Variants in FBXW11 observed in about 807,000 individuals in gnomAD.
FBXW11 encodes the protein F-box and WD repeat domain containing 11.
FBXW11 carries 19 observed loss-of-function variants against 77.6 expected under a neutral mutation model. That is an observed-to-expected ratio of 0.24 (90% CI 0.17 to 0.36). The LOEUF (loss-of-function observed/expected upper bound fraction) is 0.36. Among genes scored for constraint, FBXW11 ranks in the 10% least tolerant of loss-of-function variants. The pLI is 1.00. For missense variants in FBXW11, 334 were observed against 704.2 expected, an observed-to-expected ratio of 0.47 and a Z score of 5.95; for synonymous variants, 235 against 249.4, an observed-to-expected ratio of 0.94 and a Z score of 0.54.
chr5:171,906,942 C>T (rs527538807), intron 4 of FBXW11, among the ~76,000 whole-genome samples: 1 of 152,278 alleles, frequency 6.6e-6, no homozygotes, highest in South Asian at 2.1e-4. Flanking sequence ...ATTGAATAAA[C>T]CAGGGCCAGA....
chr5:171,903,820 TA>T (rs201887267), intron 4 of FBXW11, among the ~76,000 whole-genome samples: 1 of 151,634 alleles, frequency 6.6e-6, no homozygotes, highest in Non-Finnish European at 1.5e-5. Context: ...TAATTTTTTT[TA>T]AAAAAAATTT....
chr5:171,889,812 C>T (rs187237707), intron 7 of FBXW11, among the ~76,000 whole-genome samples: 2 of 152,090 alleles, frequency 1.3e-5, no homozygotes, highest in African/African-American at 2.4e-5. Flanking sequence ...CGCTCAAACC[C>T]GGGAGGCGGA....
At chr5:171,901,141 A>T (rs1581172869) in intron 4 of FBXW11, among the ~76,000 whole-genome samples, 1 of 152,226 alleles carries the variant, frequency 6.6e-6, no homozygotes, top group Non-Finnish European at 1.5e-5. Context: ...GTGCCCTAAC[A>T]TACAAAATGG....
At chr5:171,976,272 AT>A (rs1441682874) in intron 1 of FBXW11, among the ~76,000 whole-genome samples, 1 of 152,154 alleles carries the variant, frequency 6.6e-6, no homozygotes, top group East Asian at 1.9e-4. Context: ...CAATTATTTA[AT>A]TTTCAGGATC....
At chr5:171,967,670 T>C (rs566673811) in intron 1 of FBXW11, among the ~76,000 whole-genome samples, 1 of 151,828 alleles carries the variant, frequency 6.6e-6, no homozygotes, top group South Asian at 2.1e-4. Flanking sequence ...AAAAACCCCG[T>C]CTCTACTAAA....
At chr5:171,988,645 G>T (rs919247179) in intron 1 of FBXW11, among the ~76,000 whole-genome samples, 1 of 152,002 alleles carries the variant, frequency 6.6e-6, no homozygotes, top group Non-Finnish European at 1.5e-5. Context: ...AGGAGTTTGA[G>T]ACCAGTCTGG....
At chr5:171,873,876 G>A (rs1757906493) in intron 9 of FBXW11, among the ~76,000 whole-genome samples, 1 of 152,108 alleles carries the variant, frequency 6.6e-6, no homozygotes, top group Admixed American at 6.6e-5. Flanking sequence ...TGCATTTGTA[G>A]CTGAATGGGA....
intron 7 of FBXW11, among the ~76,000 whole-genome samples, chr5:171,887,213 T>C (rs542097480): frequency 1.3e-5 from 2 of 152,228 alleles, no homozygotes; most frequent in East Asian, 1.9e-4. Flanking sequence ...TATTATTCTC[T>C]GCCTAGAATG....
At position 171,925,260 on chromosome 5, in the gene FBXW11, G is replaced by T. The variant is rs1375848799; in HGVS notation, c.148-10855C>A. On this transcript the variant is annotated intron_variant, in intron 2 of 13. Transcript: ENST00000517395. ...CCCTGAAAAACCCTGCTAAAGGTTAGCAGAGTATAATAAATCCCATACTAA... is the reference window on the plus strand; with the variant it reads ...CCCTGAAAAACCCTGCTAAAGGTTATCAGAGTATAATAAATCCCATACTAA... Among the ~76,000 whole-genome samples, 3 of 152,118 alleles carry T rather than the reference G, an allele frequency of 2.0e-5. 1 individual carries two copies. Among genetic ancestry groups the T allele is most frequent in the Middle Eastern group, 6.3e-3 (2 of 316 alleles).
intron 1 of FBXW11, among the ~76,000 whole-genome samples, chr5:171,982,221 G>A (rs1037727367): frequency 7.9e-5 from 12 of 152,100 alleles, no homozygotes; most frequent in Admixed American, 2.0e-4. Context: ...ATACTACCAC[G>A]CACCCATTAG....
rs1757230732 is a variant in FBXW11 at position 171,863,976 on chromosome 5, T to C, written c.*151A>G. ...ATCAGAGGTGAGAAATGTCGGTACT[T>C]GAAGAGTTAGGCTGCTTTGCATCTA... On this transcript the variant is annotated 3_prime_UTR_variant, in exon 14 of 14. Coordinates refer to ENST00000517395, the MANE Select transcript of FBXW11 (RefSeq NM_001378974.1). 6.6e-6 allele frequency: 1 copy of C among 152,122 alleles called. No individual in the cohort carries two copies. The highest frequency in any genetic ancestry group is 1.5e-5 in the Non-Finnish European group (1 of 68,024). 9.4% of individuals were successfully genotyped at this position (152,122 alleles called of 1,614,324 possible).
chr5:171,982,247 TTTTA>T (rs1282006567), intron 1 of FBXW11, among the ~76,000 whole-genome samples: 3 of 152,020 alleles, frequency 2.0e-5, no homozygotes, highest in Non-Finnish European at 2.9e-5. Flanking sequence ...TTAAATTTTA[TTTTA>T]TTTATTTTTA....
At chr5:171,874,659 T>C (rs1015760980) in intron 9 of FBXW11, among the ~76,000 whole-genome samples, 70 of 150,578 alleles carry the variant, frequency 4.6e-4, no homozygotes, top group African/African-American at 1.6e-3. Context: ...ACTGGCAGGA[T>C]TGTAAAATGG....
At chr5:171,954,138 C>T (rs1398506578) in intron 2 of FBXW11, among the ~76,000 whole-genome samples, 1 of 152,220 alleles carries the variant, frequency 6.6e-6, no homozygotes, top group Admixed American at 6.5e-5. Context: ...CAGTCTATTA[C>T]ATCATGCTGC....
chr5:171,949,868 T>C (rs541108723), intron 2 of FBXW11, among the ~76,000 whole-genome samples: 48 of 152,304 alleles, frequency 3.2e-4, no homozygotes, highest in African/African-American at 1.1e-3. Flanking sequence ...AAGGGATCTC[T>C]GATGGGCTGC....
At position 172,006,363 on chromosome 5, in the gene FBXW11, G is replaced by C. The variant is rs1023287402; in HGVS notation, c.45+95C>G. On this transcript the variant is annotated intron_variant, in intron 1 of 13. Transcript: ENST00000517395. ...GGGTCTGGGTCGAGGCGTCTGGGAA[G>C]GGCCAGAGCCGGCCTCGCACCGGAC... 5.1e-5 allele frequency: 59 copies of C among 1,148,090 alleles called. No individual in the cohort carries two copies. In the Admixed American group the frequency reaches 1.2e-3, roughly 24 times the overall value. 71.1% of individuals were successfully genotyped at this position (1,148,090 alleles called of 1,614,324 possible).
At chr5:171,974,945 C>T (rs762769136) in intron 1 of FBXW11, among the ~76,000 whole-genome samples, 2 of 152,172 alleles carry the variant, frequency 1.3e-5, no homozygotes, top group Non-Finnish European at 2.9e-5. Context: ...CAGGCACGCG[C>T]CACCACGCCC....
At position 171,876,568 on chromosome 5, in the gene FBXW11, A is replaced by C. The variant is rs1320389260; in HGVS notation, c.972-34T>G. 6.2e-7 allele frequency: 1 copy of C among 1,603,578 alleles called. No individual in the cohort carries two copies. The highest frequency in any genetic ancestry group is 8.5e-7 in the Non-Finnish European group (1 of 1,171,772). On this transcript the variant is annotated intron_variant, in intron 8 of 13. Coordinates refer to ENST00000517395, the MANE Select transcript of FBXW11 (RefSeq NM_001378974.1). This position sits in a 1 kb window ranked among gnomAD's most constrained non-coding sequence, Gnocchi z 4.2. Reference sequence around the variant, plus strand: ...GAAGAGAAAAGCATGATGCTTAATTATGGAGACAGCCAGGAAATGATTCTG... The same window carrying C: ...GAAGAGAAAAGCATGATGCTTAATTCTGGAGACAGCCAGGAAATGATTCTG...
chr5:171,973,379 C>T (rs967204828), intron 1 of FBXW11, among the ~76,000 whole-genome samples: 3 of 152,142 alleles, frequency 2.0e-5, no homozygotes, highest in African/African-American at 7.2e-5. Flanking sequence ...TCACTATAAG[C>T]AATCTGTGAC....
Sources: gnomAD v4.1 joint callset for allele counts (sites outside exome capture counted in the v4.1 genomes callset) on GRCh38, gnomAD v4.1.1 for gene constraint, Gnocchi (gnomAD v3.1) non-coding constraint, MANE v1.5 for transcripts, NCBI Gene and HGNC (gene_info 2026-07-23, HGNC 2026-07-21) for gene names.